DNAH11: variants seen among roughly 807,000 people sequenced by gnomAD.
DNAH11 encodes axonemal beta dynein heavy chain 11.
Under a neutral mutation model 526.0 loss-of-function variants are expected in DNAH11, and 442 were observed. That is an observed-to-expected ratio of 0.84 (90% CI 0.78 to 0.91). The LOEUF is 0.91. DNAH11 is among the 40% of genes least tolerant of loss of function. The pLI, the probability that DNAH11 is intolerant of heterozygous loss-of-function variation, is 0.00. For missense variants in DNAH11, 6,989 were observed against 5,448.7 expected (o/e 1.28, Z -8.90); for synonymous variants, 2,461 against 1,935.9 (o/e 1.27, Z -7.12).
intron 65 of DNAH11, among the ~76,000 whole-genome samples, chr7:21,832,857 C>G (rs960613872): frequency 6.6e-6 from 1 of 152,162 alleles, no homozygotes; most frequent in South Asian, 2.1e-4. Flanking sequence ...AATATTTACT[C>G]TCTGATCCTT....
In DNAH11 at chr7:21,786,417, C is replaced by T. The variant is rs11495974; in HGVS notation, c.9598-207C>T. The stretch of plus-strand genomic sequence containing the variant: ...TGAAGGCAAGAAAGGGCAGTGATGT[C>T]TCCAGAGTATCAGAGAAGTGCCCAG... On this transcript the variant is annotated intron_variant, in intron 58 of 81. Coordinates refer to ENST00000409508, the MANE Select transcript of DNAH11 (RefSeq NM_001277115.2). 0.32 allele frequency among the ~76,000 whole-genome samples: 48,171 copies of T among 151,886 alleles called. 9,387 individuals carry two copies. Among genetic ancestry groups the T allele is most frequent in the Non-Finnish European group, 0.44 (29,811 of 67,942 alleles).
At chr7:21,875,920 A>G (rs1254082241) in intron 74 of DNAH11, among the ~76,000 whole-genome samples, 1 of 119,198 alleles carries the variant, frequency 8.4e-6, no homozygotes, top group Non-Finnish European at 1.6e-5. Flanking sequence ...GTCTCACTCT[A>G]TCGCCCAGGC....
chr7:21,713,069 A>G (rs971674100), intron 42 of DNAH11, among the ~76,000 whole-genome samples: 2 of 152,178 alleles, frequency 1.3e-5, no homozygotes, highest in Admixed American at 1.3e-4. Context: ...ATTTAGAGCA[A>G]CTTTATGGTG....
intron 46 of DNAH11, among the ~76,000 whole-genome samples, chr7:21,737,902 A>G (rs1474599527): frequency 6.6e-6 from 1 of 152,204 alleles, no homozygotes; most frequent in African/African-American, 2.4e-5. Context: ...GTGTTTGGAA[A>G]TGTGGGTCTG....
At chr7:21,807,521 A>C (rs1484547244) in intron 62 of DNAH11, among the ~76,000 whole-genome samples, 1 of 151,914 alleles carries the variant, frequency 6.6e-6, no homozygotes, top group Non-Finnish European at 1.5e-5. Flanking sequence ...TCTTAACATC[A>C]CTCGTTCTTG....
At chr7:21,874,267 C>T (rs1423944504) in intron 74 of DNAH11, among the ~76,000 whole-genome samples, 1 of 152,016 alleles carries the variant, frequency 6.6e-6, no homozygotes, top group Non-Finnish European at 1.5e-5. Context: ...TGGGTTATAT[C>T]TATGACACCT....
chr7:21,547,281 T>G (rs911209649), intron 2 of DNAH11, among the ~76,000 whole-genome samples: 1 of 152,168 alleles, frequency 6.6e-6, no homozygotes, highest in Non-Finnish European at 1.5e-5. Flanking sequence ...ACACAGACAT[T>G]AAGTTTTAAA....
chr7:21,716,313 C>A (rs977980577), intron 42 of DNAH11, among the ~76,000 whole-genome samples: 1 of 152,100 alleles, frequency 6.6e-6, no homozygotes, highest in East Asian at 1.9e-4. Flanking sequence ...ATGCCACCAA[C>A]TCTGTACTAA....
chr7:21,892,323 T>C (rs756242385), intron 76 of DNAH11, 102 bp from the exon 77 acceptor site: 52 of 1,485,628 alleles, frequency 3.5e-5, no homozygotes, highest in Non-Finnish European at 4.7e-5. Context: ...CAGACAGCAT[T>C]GTGCTGGAGC....
chr7:21,746,906 G>C (rs2965356), intron 51 of DNAH11, among the ~76,000 whole-genome samples: 143,285 of 152,216 alleles, frequency 0.94, 67,585 homozygotes, highest in African/African-American at 0.98. Context: ...CGTCCTGGCT[G>C]AGGTGAAACA....
chr7:21,844,990 T>G (rs1782360422), intron 66 of DNAH11, among the ~76,000 whole-genome samples: 1 of 152,228 alleles, frequency 6.6e-6, no homozygotes, highest in Non-Finnish European at 1.5e-5. Context: ...GCTTGCTGCC[T>G]TGTGCACTAA....
chr7:21,687,902 A>C (rs777538850), intron 34 of DNAH11, among the ~76,000 whole-genome samples: 4 of 152,070 alleles, frequency 2.6e-5, no homozygotes, highest in Non-Finnish European at 5.9e-5. Flanking sequence ...AAAATAAATA[A>C]ATTTTAAAAA....
In DNAH11 at chr7:21,742,116, A is replaced by G. The variant is rs760332753; in HGVS notation, c.8104A>G (p.Ile2702Val). Residue 2702 changes from isoleucine (I) to valine (V), a missense_variant, in exon 49 of 82, where the codon ATT becomes GTT. Ile to Val is a conservative substitution (Grantham distance 29, BLOSUM62 3). Coordinates refer to ENST00000409508, the MANE Select transcript of DNAH11 (RefSeq NM_001277115.2). ...TMMCNFLPTA[I>V]KFHYIFNLRD... The stretch of plus-strand genomic sequence containing the variant: ...GATGTGTAACTTTTTACCCACGGCT[A>G]TTAAATTCCACTACATCTTTAATCT... The G allele has an allele frequency of 2.8e-5, 45 of 1,613,830 alleles. No homozygotes were observed. In the South Asian group the frequency reaches 4.4e-4, roughly 16 times the overall value.
At chr7:21,697,386 C>T (rs1340230093) in intron 35 of DNAH11, among the ~76,000 whole-genome samples, 1 of 152,128 alleles carries the variant, frequency 6.6e-6, no homozygotes, top group Non-Finnish European at 1.5e-5. Flanking sequence ...CAGTGGCTGG[C>T]ACAAGCTCTC....
At chr7:21,565,974 G>T (rs766901619) in intron 6 of DNAH11, among the ~76,000 whole-genome samples, 8 of 152,084 alleles carry the variant, frequency 5.3e-5, no homozygotes, top group Non-Finnish European at 1.2e-4. Flanking sequence ...TGTTAAACAG[G>T]TTCCCTGGGT....
At chr7:21,804,011 C>T (rs977611256) in intron 62 of DNAH11, among the ~76,000 whole-genome samples, 3 of 152,238 alleles carry the variant, frequency 2.0e-5, no homozygotes, top group African/African-American at 7.2e-5. Flanking sequence ...ATTCAGGGTT[C>T]TCTTAGCAAG....
At chr7:21,620,407 C>A (rs1785992137) in intron 25 of DNAH11, among the ~76,000 whole-genome samples, 1 of 151,854 alleles carries the variant, frequency 6.6e-6, no homozygotes, top group Admixed American at 6.6e-5. Flanking sequence ...GCTCTGGTAA[C>A]CATCATTCTA....
Position 21,601,551 on chromosome 7 carries a change from A to G in DNAH11, c.3581A>G (p.Lys1194Arg). 1 of 1,612,360 alleles carries G rather than the reference A, an allele frequency of 6.2e-7. No homozygotes were observed. The highest frequency in any genetic ancestry group is 1.3e-5 in the African/African-American group (1 of 75,040). The change falls in exon 18 of 82, where the codon AAA (lysine) becomes AGA (arginine). Residue 1194 changes from lysine (K) to arginine (R), a missense_variant. Physicochemically the swap from Lys to Arg is conservative, Grantham distance 26. Transcript: ENST00000409508. ...ACTGATGAACTCTTTGAACCTCTAAAAGAAACGATCACCCTCTTGGAAAGC... is the reference window on the plus strand; with the variant it reads ...ACTGATGAACTCTTTGAACCTCTAAGAGAAACGATCACCCTCTTGGAAAGC... The part of the protein sequence containing the change: ...RATDELFEPL[K>R]ETITLLESYG...
intron 76 of DNAH11, among the ~76,000 whole-genome samples, chr7:21,887,505 A>C (rs1440708648): frequency 1.3e-5 from 2 of 152,338 alleles, no homozygotes; most frequent in African/African-American, 4.8e-5. Context: ...CTGGGTTCAC[A>C]CTGAAGTACC....
Sources: allele counts gnomAD v4.1 joint callset (sites outside exome capture counted in the v4.1 genomes callset), GRCh38; gene constraint gnomAD v4.1.1; transcripts MANE v1.5; gene names NCBI Gene and HGNC (gene_info 2026-07-23, HGNC 2026-07-21).